TRHDE: variants seen among roughly 807,000 people sequenced by gnomAD.
The protein encoded by TRHDE is thyrotropin-releasing hormone-degrading ectoenzyme.
TRHDE carries 72 observed loss-of-function variants against 125.7 expected under a neutral mutation model. The observed-to-expected ratio is 0.57, with a 90% confidence interval of 0.47 to 0.70. The LOEUF is 0.70. Among genes scored for constraint, TRHDE ranks in the 30% least tolerant of loss-of-function variants. The pLI is 0.00. For missense variants in TRHDE, 1,110 were observed against 1,327.1 expected, an observed-to-expected ratio of 0.84 and a Z score of 2.54; for synonymous variants, 509 against 509.1, an observed-to-expected ratio of 1.00 and a Z score of 0.00.
At chr12:72,641,915 T>A (rs1383292358) in intron 15 of TRHDE, among the ~76,000 whole-genome samples, 1 of 152,186 alleles carries the variant, frequency 6.6e-6, no homozygotes, top group Non-Finnish European at 1.5e-5. Context: ...ACCCCCAATA[T>A]GATAGTATTA....
chr12:72,567,726 T>C (rs955924063), intron 9 of TRHDE, among the ~76,000 whole-genome samples: 4 of 151,996 alleles, frequency 2.6e-5, no homozygotes, highest in Non-Finnish European at 5.9e-5. Context: ...AACGGTGAAA[T>C]GATAGATTGA....
intron 6 of TRHDE, among the ~76,000 whole-genome samples, chr12:72,512,516 T>C (rs980264504): frequency 7.3e-6 from 1 of 137,616 alleles, no homozygotes; most frequent in Non-Finnish European, 1.5e-5. Context: ...ATAATTATAT[T>C]ATATATAATA....
At chr12:72,165,974 C>T (rs1348478475) in intron 2 of TRHDE, among the ~76,000 whole-genome samples, 3 of 151,976 alleles carry the variant, frequency 2.0e-5, no homozygotes, top group Non-Finnish European at 2.9e-5. Flanking sequence ...CGCCCCCGGC[C>T]GAGAAATGCA....
chr12:72,139,475 C>T (rs777477400), intron 2 of TRHDE, among the ~76,000 whole-genome samples: 3 of 152,066 alleles, frequency 2.0e-5, no homozygotes, highest in Non-Finnish European at 4.4e-5. Flanking sequence ...GAAAACCTCC[C>T]TAGGGGAGAG....
At chr12:72,174,653 G>A (rs1345361328) in intron 2 of TRHDE, among the ~76,000 whole-genome samples, 1 of 152,072 alleles carries the variant, frequency 6.6e-6, no homozygotes, top group African/African-American at 2.4e-5. Flanking sequence ...ACGTCTTTTA[G>A]TTGGAATTTG....
chr12:72,605,224 T>G (rs1872387305), intron 12 of TRHDE, among the ~76,000 whole-genome samples: 1 of 152,238 alleles, frequency 6.6e-6, no homozygotes, highest in East Asian at 1.9e-4. Context: ...ATATAGGTGT[T>G]AGATGATTTC....
chr12:72,359,974 C>A (rs554284011), intron 2 of TRHDE, among the ~76,000 whole-genome samples: 4 of 151,330 alleles, frequency 2.6e-5, no homozygotes, highest in African/African-American at 9.7e-5. Context: ...TTGGTATATG[C>A]GAGAAGGGCA....
chr12:72,479,997 C>A (rs1246727517), intron 5 of TRHDE, among the ~76,000 whole-genome samples: 6 of 150,710 alleles, frequency 4.0e-5, no homozygotes, highest in East Asian at 3.9e-4. Context: ...TGAACTCATC[C>A]TTTTTTATGG....
At chr12:72,471,448 T>C (rs1876646477) in intron 4 of TRHDE, among the ~76,000 whole-genome samples, 1 of 152,246 alleles carries the variant, frequency 6.6e-6, no homozygotes, top group Admixed American at 6.5e-5. Flanking sequence ...CGATAATGTG[T>C]AATTGTTCGG....
intron 2 of TRHDE, among the ~76,000 whole-genome samples, chr12:72,265,097 C>A (rs1879035992): frequency 6.7e-6 from 1 of 150,194 alleles, no homozygotes; most frequent in Non-Finnish European, 1.5e-5. Flanking sequence ...TTCTATAGTG[C>A]CTAGTGCTTA....
intron 3 of TRHDE, among the ~76,000 whole-genome samples, chr12:72,414,156 A>G (rs1054709771): frequency 6.6e-6 from 1 of 152,130 alleles, no homozygotes; most frequent in African/African-American, 2.4e-5. Context: ...TTGAGGATAC[A>G]TGCTGACAGA....
intron 6 of TRHDE, among the ~76,000 whole-genome samples, chr12:72,523,371 A>G (rs1868281247): frequency 2.0e-5 from 3 of 152,152 alleles, no homozygotes; most frequent in African/African-American, 7.2e-5. Flanking sequence ...AATGGAAGAA[A>G]GCTAGAAGTA....
At chr12:72,305,921 C>G (rs922473671) in intron 2 of TRHDE, among the ~76,000 whole-genome samples, 5 of 152,206 alleles carry the variant, frequency 3.3e-5, no homozygotes, top group African/African-American at 1.2e-4. Context: ...TGTTCTACCT[C>G]TCTCTACCTT....
intron 3 of TRHDE, among the ~76,000 whole-genome samples, chr12:72,461,192 TC>T (rs921133260): frequency 5.1e-4 from 78 of 152,216 alleles, no homozygotes; most frequent in African/African-American, 1.9e-3. Context: ...CTGAAACTAG[TC>T]TGCTTTAAAT....
intron 7 of TRHDE, among the ~76,000 whole-genome samples, chr12:72,546,763 C>T (rs1327048856): frequency 6.6e-6 from 1 of 151,594 alleles, no homozygotes; most frequent in Non-Finnish European, 1.5e-5. Context: ...CACTGCCAGC[C>T]TTCCAGAAAT....
intron 2 of TRHDE, among the ~76,000 whole-genome samples, chr12:72,348,375 A>G (rs1351283430): frequency 6.6e-6 from 1 of 151,264 alleles, no homozygotes; most frequent in Non-Finnish European, 1.5e-5. Context: ...ACCCTGGACC[A>G]CTGGTGAGGC....
chr12:72,603,448 G>T lies in TRHDE; in HGVS notation c.2322-15443G>T, dbSNP rs116337034. On this transcript the variant is annotated intron_variant, in intron 12 of 18. Transcript: ENST00000261180. ...TATAATAACAATGTAAGTGTGGGCC[G>T]AGCGCGGTGTCTCAAGCCTGTAATC... 2.0e-5 allele frequency among the ~76,000 whole-genome samples: 3 copies of T among 152,178 alleles called. No homozygotes were observed. The East Asian group carries it at 5.8e-4, about 29-fold the overall frequency.
intron 13 of TRHDE, 25 bp from the exon 14 acceptor site, chr12:72,621,083 T>A (rs2136078591): frequency 7.3e-7 from 1 of 1,365,802 alleles, no homozygotes. Flanking sequence ...TGACCTTATC[T>A]TTATTTATTC....
chr12:72,363,637 A>G (rs1871217306), intron 2 of TRHDE, among the ~76,000 whole-genome samples: 2 of 152,090 alleles, frequency 1.3e-5, no homozygotes, highest in Admixed American at 6.6e-5. Flanking sequence ...AATAAGAGCT[A>G]TCTATGACAA....
Sources: gnomAD v4.1 joint callset for allele counts (sites outside exome capture counted in the v4.1 genomes callset) on GRCh38, gnomAD v4.1.1 for gene constraint, MANE v1.5 for transcripts, NCBI Gene and HGNC (gene_info 2026-07-23, HGNC 2026-07-21) for gene names.